KLF13: variants seen among roughly 807,000 people sequenced by gnomAD.
KLF13 encodes KLF transcription factor 13.
In KLF13, 8 loss-of-function variants were observed where a neutral mutation model predicts 16.7. That is an observed-to-expected ratio of 0.48 (90% CI 0.28 to 0.87). KLF13 has a LOEUF of 0.87. Among genes scored for constraint, KLF13 ranks in the 40% least tolerant of loss-of-function variants. The pLI is 0.10. For synonymous variants in KLF13, 245 were observed against 208.4 expected, an observed-to-expected ratio of 1.18 and a Z score of -1.51; for missense variants, 447 against 452.2, an observed-to-expected ratio of 0.99 and a Z score of 0.10.
intron 1 of KLF13, among the ~76,000 whole-genome samples, chr15:31,427,375 G>C (rs2040412266): frequency 1.3e-5 from 2 of 151,978 alleles, no homozygotes; most frequent in South Asian, 4.2e-4. Context: ...AACAAGTGTT[G>C]GCAAGAATGT....
Position 31,372,592 on chromosome 15 carries a change from T to A in KLF13, c.*293T>A. ...CGAGGTCAGTGAGGACACCCCTTCC[T>A]GCCGCCTTACTCTGTACATAGATTT... On this transcript the variant is annotated 3_prime_UTR_variant, in exon 2 of 2. Coordinates refer to ENST00000307145, the MANE Select transcript of KLF13 (RefSeq NM_015995.4). 2 of 434,262 alleles carry A rather than the reference T, an allele frequency of 4.6e-6. No homozygotes were observed. The highest frequency in any genetic ancestry group is 4.1e-6 in the Non-Finnish European group (1 of 246,646). 26.9% of individuals were successfully genotyped at this position (434,262 alleles called of 1,614,324 possible).
At chr15:31,363,836 C>G (rs1347614457) in intron 1 of KLF13, among the ~76,000 whole-genome samples, 1 of 152,364 alleles carries the variant, frequency 6.6e-6, no homozygotes, top group South Asian at 2.1e-4. Context: ...GAAGGAACTT[C>G]TGTCTTACAG....
At chr15:31,365,860 C>T (rs1031930568) in intron 1 of KLF13, among the ~76,000 whole-genome samples, 12 of 152,214 alleles carry the variant, frequency 7.9e-5, no homozygotes, top group African/African-American at 2.6e-4. Context: ...ATTGGGGGCT[C>T]AGCTGAAGGA....
At chr15:31,411,322 G>C (rs1375223167) in intron 1 of KLF13, among the ~76,000 whole-genome samples, 4 of 151,464 alleles carry the variant, frequency 2.6e-5, no homozygotes, top group African/African-American at 9.7e-5. Context: ...TCTAGTGTGT[G>C]TATCCCATGA....
intron 1 of KLF13, among the ~76,000 whole-genome samples, chr15:31,385,311 A>C (rs957027870): frequency 5.3e-5 from 8 of 152,232 alleles, no homozygotes; most frequent in African/African-American, 1.7e-4. Context: ...GTTAATCCCA[A>C]AGTCAGGACA....
chr15:31,374,701 A>G lies in KLF13; in HGVS notation c.*2402A>G, dbSNP rs2039615662. The G allele has an allele frequency of 6.6e-6, 1 of 152,294 alleles. No homozygotes were observed. Among genetic ancestry groups the G allele is most frequent in the African/African-American group, 2.4e-5 (1 of 41,366 alleles). 9.4% of individuals were successfully genotyped at this position (152,294 alleles called of 1,614,324 possible). On this transcript the variant is annotated 3_prime_UTR_variant, in exon 2 of 2. Transcript: ENST00000307145. Reference sequence around the variant, plus strand: ...CTGGGAGGCTGGCAAAGTGCTCTCCAGGGAGGGGTCAGACGTCCTTGTGAT... The same window carrying G: ...CTGGGAGGCTGGCAAAGTGCTCTCCGGGGAGGGGTCAGACGTCCTTGTGAT...
chr15:31,388,557 G>A (rs1462219764), upstream of KLF13, among the ~76,000 whole-genome samples: 4 of 150,216 alleles, frequency 2.7e-5, no homozygotes, highest in African/African-American at 4.9e-5. Context: ...GGTGGAGGTT[G>A]CGGTGAGCCA....
chr15:31,422,132 CA>C (rs72041709), intron 1 of KLF13, among the ~76,000 whole-genome samples: 71 of 77,870 alleles, frequency 9.1e-4, no homozygotes, highest in South Asian at 5.6e-3. Flanking sequence ...AACAAACAAA[CA>C]AAAAAAAAAA....
At chr15:31,421,778 T>A (rs4779874) in intron 1 of KLF13, among the ~76,000 whole-genome samples, 142,408 of 152,272 alleles carry the variant, frequency 0.94, 66,740 homozygotes, top group East Asian at 1. Context: ...TGGCAAAGTA[T>A]GTCCTTTCCT....
intron 1 of KLF13, among the ~76,000 whole-genome samples, chr15:31,357,935 T>G (rs531727920): frequency 6.6e-6 from 1 of 152,316 alleles, no homozygotes; most frequent in African/African-American, 2.4e-5. Flanking sequence ...CCCTTTTGCT[T>G]TGTCTGTTAA....
rs951965860 is a variant in KLF13 at position 31,348,516 on chromosome 15, A to G, written c.577+20727A>G. Among the ~76,000 whole-genome samples, 19 of 152,274 alleles carry G rather than the reference A, an allele frequency of 1.2e-4. No homozygotes were observed. In the East Asian group the frequency reaches 3.5e-3, roughly 28 times the overall value. On this transcript the variant is annotated intron_variant, in intron 1 of 1. Coordinates refer to ENST00000307145, the MANE Select transcript of KLF13 (RefSeq NM_015995.4). ...AGGACTGTTGCTTGGCCTGGTTCTC[A>G]CTGAAAAGCTGCCAGCATAGAGCCC...
chr15:31,368,247 C>T (rs947032465), intron 1 of KLF13, among the ~76,000 whole-genome samples: 1 of 152,212 alleles, frequency 6.6e-6, no homozygotes. Context: ...GAGGCCATAG[C>T]GTCACAACTC....
chr15:31,348,291 G>A (rs144238961), intron 1 of KLF13, among the ~76,000 whole-genome samples: 2 of 152,082 alleles, frequency 1.3e-5, no homozygotes, highest in African/African-American at 4.8e-5. Flanking sequence ...GCACTAAAGG[G>A]ACAGCAGAAC....
intron 2 of KLF13, among the ~76,000 whole-genome samples, chr15:31,397,700 T>C (rs2039972901): frequency 6.6e-6 from 1 of 152,236 alleles, no homozygotes; most frequent in Admixed American, 6.5e-5. Flanking sequence ...AGTGTGAGGC[T>C]GATTTTGTAA....
chr15:31,428,105 G>A (rs1334612085), intron 1 of KLF13, among the ~76,000 whole-genome samples: 2 of 152,142 alleles, frequency 1.3e-5, no homozygotes, highest in Non-Finnish European at 2.9e-5. Flanking sequence ...AGCAAAATAA[G>A]CTAGTCACAA....
At chr15:31,435,452 C>T (rs1431037449) in exon 2 of KLF13, 2 of 152,100 alleles carry the variant, frequency 1.3e-5, no homozygotes, top group African/African-American at 2.4e-5. Flanking sequence ...CGGTTTTCCG[C>T]CCCCTAGGGT....
intron 1 of KLF13, among the ~76,000 whole-genome samples, chr15:31,342,999 C>T (rs1413716798): frequency 6.6e-6 from 1 of 152,256 alleles, no homozygotes; most frequent in East Asian, 1.9e-4. Context: ...CAGGCAGGGC[C>T]TGCTTGCTGG....
At chr15:31,413,620 C>G (rs188469029) in intron 1 of KLF13, among the ~76,000 whole-genome samples, 1 of 152,142 alleles carries the variant, frequency 6.6e-6, no homozygotes, top group Admixed American at 6.5e-5. Context: ...TACATCACAG[C>G]TATATTTGAA....
intron 1 of KLF13, among the ~76,000 whole-genome samples, chr15:31,356,421 G>T (rs1302549867): frequency 6.6e-6 from 1 of 152,180 alleles, no homozygotes; most frequent in Non-Finnish European, 1.5e-5. Flanking sequence ...GCGTGGTGGC[G>T]GGCGCCTGTA....
Sources: gnomAD v4.1 joint callset for allele counts (sites outside exome capture counted in the v4.1 genomes callset) on GRCh38, gnomAD v4.1.1 for gene constraint, MANE v1.5 for transcripts, NCBI Gene and HGNC (gene_info 2026-07-23, HGNC 2026-07-21) for gene names.